CEP57: variants seen among roughly 807,000 people sequenced by gnomAD.
CEP57 encodes centrosomal protein of 57 kDa.
A neutral mutation model predicts 68.0 loss-of-function variants in CEP57; 40 were observed. The observed-to-expected ratio is 0.59, with a 90% CI of 0.46 to 0.77. The LOEUF (loss-of-function observed/expected upper bound fraction) is 0.77, where lower values mean the gene tolerates loss of function less well. CEP57 is among the 30% of genes least tolerant of loss of function. The pLI is 0.00. For synonymous variants in CEP57, 219 were observed against 198.7 expected (o/e 1.10, Z -0.86); for missense variants, 606 against 580.7 (o/e 1.04, Z -0.45).
chr11:95,813,354 G>C lies in CEP57; in HGVS notation c.383-114G>C. ...TTTAGGTAATCTGAAAAGGCGTCCA[G>C]GTCTGTGGAAGGTGTTTTTATTGTA... is the stretch of plus-strand genomic sequence containing the variant. On this transcript the variant is annotated intron_variant, in intron 3 of 10. Coordinates refer to ENST00000325542, the MANE Select transcript of CEP57 (RefSeq NM_014679.5). The C allele has an allele frequency of 2.3e-6, 3 of 1,311,198 alleles. No individual in the cohort carries two copies. In the South Asian group the frequency reaches 3.8e-5, roughly 17 times the overall value. The allele number at this position is 1,311,198 out of a possible 1,614,324, so 81.2% of individuals were successfully genotyped here. A position where few individuals can be genotyped will look rare whatever the true frequency, so the allele number is the denominator to read the frequency against.
intron 4 of CEP57, among the ~76,000 whole-genome samples, chr11:95,815,504 G>A (rs548684871): frequency 7.2e-6 from 1 of 139,098 alleles, no homozygotes; most frequent in African/African-American, 2.5e-5. Context: ...TCTCCCTTAT[G>A]GTATCTTTTT....
chr11:95,810,436 G>C (rs1862006492), intron 2 of CEP57, among the ~76,000 whole-genome samples: 1 of 152,174 alleles, frequency 6.6e-6, no homozygotes, highest in Non-Finnish European at 1.5e-5. Flanking sequence ...TTACATGGTT[G>C]TATATTTAGA....
At chr11:95,808,763 T>C (rs1861921514) in intron 2 of CEP57, among the ~76,000 whole-genome samples, 3 of 152,156 alleles carry the variant, frequency 2.0e-5, no homozygotes, top group Admixed American at 1.3e-4. Context: ...TGGGAGACTT[T>C]AACACCCCAC....
At chr11:95,811,349 A>G (rs917634844) in intron 2 of CEP57, among the ~76,000 whole-genome samples, 1 of 143,846 alleles carries the variant, frequency 7.0e-6, no homozygotes, top group African/African-American at 2.6e-5. Flanking sequence ...CAGACACCAC[A>G]TGTTCTCACT....
At chr11:95,800,327 T>A (rs1301467490) in intron 2 of CEP57, among the ~76,000 whole-genome samples, 1 of 152,188 alleles carries the variant, frequency 6.6e-6, no homozygotes, top group Non-Finnish European at 1.5e-5. Flanking sequence ...CTGTCCTCCT[T>A]CCTTCATGTT....
chr11:95,822,677 G>GTGCCTTTACAAGTGTGTGGATCA, intron 8 of CEP57, 101 bp downstream of exon 8: 1 of 887,478 alleles, frequency 1.1e-6, no homozygotes, highest in Non-Finnish European at 1.9e-6. Context: ...ACATTTTTCT[G>GTGCCTTTACAAGTGTGTGGATCA]TGCCTTTACC....
At chr11:95,820,970 C>T (rs1862496733) in intron 6 of CEP57, among the ~76,000 whole-genome samples, 1 of 152,168 alleles carries the variant, frequency 6.6e-6, no homozygotes, top group African/African-American at 2.4e-5. Context: ...TAGTAATAAT[C>T]TTAGTATCTG....
chr11:95,799,113 T>G, intron 1 of CEP57, 119 bp from the exon 2 acceptor site: 1 of 930,670 alleles, frequency 1.1e-6, no homozygotes, highest in Non-Finnish European at 1.7e-6. Context: ...TTGTTTCTAG[T>G]CAGTGGATTT....
chr11:95,804,730 C>A (rs1355586352), intron 2 of CEP57, among the ~76,000 whole-genome samples: 1 of 152,088 alleles, frequency 6.6e-6, no homozygotes, highest in African/African-American at 2.4e-5. Flanking sequence ...TTATAAATTG[C>A]ATTTAAAGTG....
intron 2 of CEP57, among the ~76,000 whole-genome samples, chr11:95,811,067 C>G (rs1033525540): frequency 6.6e-6 from 1 of 152,192 alleles, no homozygotes; most frequent in Admixed American, 6.5e-5. Flanking sequence ...CCATTTGACC[C>G]AGCCATCCCA....
At chr11:95,795,980 T>C (rs1042954815) in intron 1 of CEP57, among the ~76,000 whole-genome samples, 2 of 152,234 alleles carry the variant, frequency 1.3e-5, no homozygotes, top group African/African-American at 4.8e-5. Flanking sequence ...TCAGCACTAA[T>C]AAAGACCTTC....
rs761802161 is a variant in CEP57 at position 95,829,326 on chromosome 11, G to C, written c.1267G>C (p.Ala423Pro). The C allele has an allele frequency of 6.2e-6, 10 of 1,613,074 alleles. No individual in the cohort carries two copies. The highest frequency in any genetic ancestry group is 8.5e-6 in the Non-Finnish European group (10 of 1,179,592). ...AATAACTAAAGTTCGAAAATACCAA[G>C]CCCAGGTAACTCAGTTTTCCTTCAC... ...NQITKVRKYQAQLEKQKLEKQ... is the reference protein window; with the variant it reads ...NQITKVRKYQPQLEKQKLEKQ... Residue 423 changes from alanine to proline, a missense_variant, in exon 10 of 11, where the codon GCC (alanine) becomes CCC (proline). Ala to Pro is a conservative substitution (Grantham distance 27). Coordinates refer to ENST00000325542, the MANE Select transcript of CEP57 (RefSeq NM_014679.5).
chr11:95,823,615 C>T (rs1161456284), intron 8 of CEP57, among the ~76,000 whole-genome samples: 1 of 140,610 alleles, frequency 7.1e-6, no homozygotes, highest in Non-Finnish European at 1.7e-5. Context: ...CATTCACAGT[C>T]CAGAGAAATG....
chr11:95,826,813 T>A (rs1017622346), intron 8 of CEP57: 2 of 152,224 alleles, frequency 1.3e-5, no homozygotes, highest in Admixed American at 1.3e-4. Flanking sequence ...GTTACATCGA[T>A]TGATTTTTGA....
intron 1 of CEP57, among the ~76,000 whole-genome samples, chr11:95,795,861 T>C (rs984842837): frequency 8.5e-5 from 13 of 152,334 alleles, no homozygotes; most frequent in African/African-American, 3.1e-4. Flanking sequence ...ACAAACTCTT[T>C]TTTTCAGCTA....
chr11:95,816,335 C>T (rs1013693575), intron 4 of CEP57, among the ~76,000 whole-genome samples: 1 of 152,150 alleles, frequency 6.6e-6, no homozygotes, highest in Non-Finnish European at 1.5e-5. Flanking sequence ...GATCCCTCCC[C>T]CAAAATGTGG....
chr11:95,791,082 G>T (rs1861035763), intron 1 of CEP57, among the ~76,000 whole-genome samples: 1 of 152,210 alleles, frequency 6.6e-6, no homozygotes, highest in South Asian at 2.1e-4. Flanking sequence ...TGGTCACGTG[G>T]GTTCAGCGGC....
intron 1 of CEP57, among the ~76,000 whole-genome samples, chr11:95,799,029 T>C (rs1422583818): frequency 1.3e-5 from 2 of 152,256 alleles, no homozygotes; most frequent in African/African-American, 4.8e-5. Flanking sequence ...TTTCTTCTTG[T>C]GTCTGGCATA....
intron 3 of CEP57, 145 bp downstream of exon 3, chr11:95,813,256 C>G (rs1054536285): frequency 4.9e-6 from 5 of 1,012,740 alleles, no homozygotes; most frequent in African/African-American, 1.6e-5. Flanking sequence ...TTTTGAGGAG[C>G]AAATGCTGTT....
Sources: gnomAD v4.1 joint callset for allele counts (sites outside exome capture counted in the v4.1 genomes callset) on GRCh38, gnomAD v4.1.1 for gene constraint, MANE v1.5 for transcripts, NCBI Gene and HGNC (gene_info 2026-07-23, HGNC 2026-07-21) for gene names.